SOX5: variants seen among roughly 807,000 people sequenced by gnomAD.
The protein encoded by SOX5 is SRY-box transcription factor 5, also known as transcription factor SOX-5.
In SOX5, 9 loss-of-function variants were observed where a neutral mutation model predicts 92.0. The ratio of observed to expected loss-of-function variants is 0.10; its 90% confidence interval spans 0.06 to 0.17. The LOEUF is 0.17. Ranked by LOEUF, SOX5 falls within the 10% of genes least tolerant of loss-of-function variation. SOX5 has a pLI of 1.00. For synonymous variants in SOX5, 344 were observed against 336.3 expected, an observed-to-expected ratio of 1.02 and a Z score of -0.25; for missense variants, 642 against 944.5, an observed-to-expected ratio of 0.68 and a Z score of 4.20.
At chr12:24,143,827 AAAG>A (rs903788313) in intron 4 of SOX5, among the ~76,000 whole-genome samples, 2 of 151,686 alleles carry the variant, frequency 1.3e-5, no homozygotes, top group Non-Finnish European at 2.9e-5. Flanking sequence ...AAGAAGAAAG[AAAG>A]AGGAGGAGGA....
At chr12:24,171,216 TGTTTGTTTG>T (rs1334938864) in intron 4 of SOX5, among the ~76,000 whole-genome samples, 23 of 50,850 alleles carry the variant, frequency 4.5e-4, no homozygotes, top group South Asian at 1.4e-3. Context: ...CAGTTTTTTT[TGTTTGTTTG>T]TTTGTTTTTT....
chr12:24,553,862 CTCTA>C (rs1953474562), intron 1 of SOX5, among the ~76,000 whole-genome samples: 1 of 152,192 alleles, frequency 6.6e-6, no homozygotes, highest in Non-Finnish European at 1.5e-5. Flanking sequence ...GCTGATAGAT[CTCTA>C]TCTGTTTGTT....
At chr12:23,568,350 T>C (rs1378756061) in intron 10 of SOX5, among the ~76,000 whole-genome samples, 1 of 152,098 alleles carries the variant, frequency 6.6e-6, no homozygotes. Flanking sequence ...AGAGAATAAA[T>C]TTCTGTTTCA....
intron 4 of SOX5, among the ~76,000 whole-genome samples, chr12:24,056,805 C>A (rs1293018400): frequency 6.7e-6 from 1 of 149,412 alleles, no homozygotes; most frequent in East Asian, 1.9e-4. Context: ...GAAACCCCGT[C>A]TCTACTAAAA....
intron 3 of SOX5, among the ~76,000 whole-genome samples, chr12:23,790,248 A>G (rs1209728763): frequency 6.6e-6 from 1 of 152,184 alleles, no homozygotes; most frequent in Non-Finnish European, 1.5e-5. Context: ...CTCTTCATTT[A>G]CATAATTTTC....
At chr12:24,285,667 T>C (rs1945780114) in intron 2 of SOX5, among the ~76,000 whole-genome samples, 1 of 152,202 alleles carries the variant, frequency 6.6e-6, no homozygotes, top group Non-Finnish European at 1.5e-5. Flanking sequence ...CAAGTTTATG[T>C]CTTAGACAAG....
At chr12:24,196,687 T>G (rs1179478662) in intron 4 of SOX5, among the ~76,000 whole-genome samples, 1 of 152,134 alleles carries the variant, frequency 6.6e-6, no homozygotes, top group Non-Finnish European at 1.5e-5. Context: ...GCTGTTCACT[T>G]GAGCCCAGGA....
Position 23,532,974 on chromosome 12 carries a change from A to G in SOX5, c.*1245T>C. The G allele has an allele frequency of 5.6e-6, 1 of 179,576 alleles. No homozygotes were observed. Among genetic ancestry groups the G allele is most frequent in the South Asian group, 1.0e-4 (1 of 9,528 alleles). The allele number at this position is 179,576 out of a possible 1,614,324, so 11.1% of individuals were successfully genotyped here. ...TTAATGGAACCAACTGACCAGGGAG[A>G]AAGGACATCTGGGAGCAGTTTGCTA... is the stretch of plus-strand genomic sequence containing the variant. On this transcript the variant is annotated 3_prime_UTR_variant, in exon 15 of 15. Coordinates refer to ENST00000451604, the MANE Select transcript of SOX5 (RefSeq NM_006940.6).
At chr12:24,090,257 T>A (rs899700674) in intron 4 of SOX5, among the ~76,000 whole-genome samples, 3 of 152,158 alleles carry the variant, frequency 2.0e-5, no homozygotes, top group African/African-American at 7.2e-5. Flanking sequence ...CCTTTCCAAA[T>A]CCTTACCTTC....
At chr12:24,045,891 G>A (rs1187800808) in intron 4 of SOX5, among the ~76,000 whole-genome samples, 1 of 114,180 alleles carries the variant, frequency 8.8e-6, no homozygotes, top group African/African-American at 2.8e-5. Context: ...ACATGTTTTG[G>A]TTTATTCCAT....
rs550172692 is a variant in SOX5, at chr12:23,751,383, T to C, written c.568+4255A>G. On this transcript the variant is annotated intron_variant, in intron 4 of 14. Coordinates refer to ENST00000451604, the MANE Select transcript of SOX5 (RefSeq NM_006940.6). ...ATGTTTGAAACAACTTTTGAAGTGATATAAACCCTTACATATTGAAATGCT... is the reference window on the plus strand; with the variant it reads ...ATGTTTGAAACAACTTTTGAAGTGACATAAACCCTTACATATTGAAATGCT... Among the ~76,000 whole-genome samples the C allele has an allele frequency of 2.6e-5, 4 of 152,074 alleles. No individual in the cohort carries two copies. The East Asian group carries it at 7.7e-4, about 29-fold the overall frequency.
chr12:24,234,120 G>A (rs1343025560), intron 3 of SOX5, among the ~76,000 whole-genome samples: 4 of 152,158 alleles, frequency 2.6e-5, no homozygotes, highest in African/African-American at 7.2e-5. Context: ...GTGTGCTTGG[G>A]AAAAGAAAGA....
At chr12:23,917,469 C>T (rs1410303315) in intron 1 of SOX5, among the ~76,000 whole-genome samples, 1 of 152,168 alleles carries the variant, frequency 6.6e-6, no homozygotes, top group Non-Finnish European at 1.5e-5. Flanking sequence ...AAGAGAATCG[C>T]TTGAGCCGGG....
chr12:23,814,018 G>T (rs1224956107), intron 3 of SOX5, among the ~76,000 whole-genome samples: 1 of 152,050 alleles, frequency 6.6e-6, no homozygotes, highest in African/African-American at 2.4e-5. Context: ...ATCTAAATGA[G>T]AATTTAAGAG....
chr12:23,972,783 A>G (rs1948489567), intron 4 of SOX5, among the ~76,000 whole-genome samples: 1 of 152,212 alleles, frequency 6.6e-6, no homozygotes, highest in Non-Finnish European at 1.5e-5. Flanking sequence ...GCTAATTAAC[A>G]TGTCCATCAA....
At chr12:24,320,729 G>T (rs1950128460) in intron 2 of SOX5, among the ~76,000 whole-genome samples, 1 of 151,914 alleles carries the variant, frequency 6.6e-6, no homozygotes, top group East Asian at 1.9e-4. Context: ...GCAGGGCATG[G>T]TGGTGGGCAC....
At chr12:24,378,414 TCAAA>T (rs1957499386) in intron 1 of SOX5, among the ~76,000 whole-genome samples, 1 of 152,198 alleles carries the variant, frequency 6.6e-6, no homozygotes, top group Non-Finnish European at 1.5e-5. Context: ...AATTTGCAAT[TCAAA>T]CAGTCTTTAA....
At chr12:24,540,766 A>C (rs1203493482) in intron 1 of SOX5, among the ~76,000 whole-genome samples, 1 of 152,194 alleles carries the variant, frequency 6.6e-6, no homozygotes, top group African/African-American at 2.4e-5. Flanking sequence ...TTTTGAAAAC[A>C]ACATTAATAT....
intron 1 of SOX5, among the ~76,000 whole-genome samples, chr12:24,547,741 T>C (rs1255513380): frequency 1.3e-5 from 2 of 152,200 alleles, no homozygotes; most frequent in African/African-American, 2.4e-5. Context: ...GCTCTCAAAA[T>C]ACTCTATCTG....
Sources: allele counts gnomAD v4.1 joint callset (sites outside exome capture counted in the v4.1 genomes callset), GRCh38; gene constraint gnomAD v4.1.1; transcripts MANE v1.5; gene names NCBI Gene and HGNC (gene_info 2026-07-23, HGNC 2026-07-21).